Variants in KCNH7 observed in about 807,000 individuals in gnomAD.
KCNH7 encodes potassium voltage-gated channel subfamily H member 7, also known as voltage-gated inwardly rectifying potassium channel KCNH7.
KCNH7 carries 49 observed loss-of-function variants against 120.8 expected under a neutral mutation model. That is an observed-to-expected ratio of 0.41 (90% CI 0.32 to 0.51). KCNH7 has a LOEUF of 0.51. Among genes scored for constraint, KCNH7 ranks in the 20% least tolerant of loss-of-function variants. The pLI is 0.38. For synonymous variants in KCNH7, 547 were observed against 516.1 expected, an observed-to-expected ratio of 1.06 and a Z score of -0.81; for missense variants, 1,097 against 1,446.6, an observed-to-expected ratio of 0.76 and a Z score of 3.92.
intron 2 of KCNH7, among the ~76,000 whole-genome samples, chr2:162,669,732 T>C (rs1685272396): frequency 6.6e-6 from 1 of 152,162 alleles, no homozygotes; most frequent in Admixed American, 6.5e-5. Flanking sequence ...CTGTATTGCA[T>C]AGGACAGCCC....
intron 2 of KCNH7, among the ~76,000 whole-genome samples, chr2:162,680,187 G>A (rs965940315): frequency 1.3e-5 from 2 of 151,654 alleles, no homozygotes; most frequent in African/African-American, 2.4e-5. Context: ...GAGTGGAAGG[G>A]TGGGTATGAT....
intron 8 of KCNH7, among the ~76,000 whole-genome samples, chr2:162,431,284 A>G (rs1456003105): frequency 6.6e-6 from 1 of 152,050 alleles, no homozygotes; most frequent in Non-Finnish European, 1.5e-5. Flanking sequence ...TGATAACCAC[A>G]ATAGTTGTAA....
At chr2:162,508,080 C>G (rs932369860) in intron 5 of KCNH7, among the ~76,000 whole-genome samples, 8 of 151,452 alleles carry the variant, frequency 5.3e-5, no homozygotes, top group Admixed American at 5.3e-4. Context: ...CTGTATATTA[C>G]AGTTAGGGAA....
chr2:162,784,602 G>A (rs1281037426), intron 2 of KCNH7: 1 of 152,046 alleles, frequency 6.6e-6, no homozygotes, highest in Non-Finnish European at 1.5e-5. Context: ...TCAAGTAGTG[G>A]AAAGACCTTA....
chr2:162,664,809 G>T (rs1195067296), intron 2 of KCNH7, among the ~76,000 whole-genome samples: 2 of 152,064 alleles, frequency 1.3e-5, no homozygotes, highest in African/African-American at 4.8e-5. Context: ...GTATTTACCA[G>T]TCAAAGTGTT....
intron 2 of KCNH7, among the ~76,000 whole-genome samples, chr2:162,568,623 A>C (rs1297629496): frequency 1.3e-5 from 2 of 151,948 alleles, no homozygotes; most frequent in African/African-American, 4.8e-5. Context: ...GAATTGCATG[A>C]CCAGCAGCCA....
chr2:162,752,969 A>AAAAGAAAAGAAAAG (rs1688639528), intron 2 of KCNH7, among the ~76,000 whole-genome samples: 1 of 118,016 alleles, frequency 8.5e-6, no homozygotes, highest in African/African-American at 4.7e-5. Flanking sequence ...AAAAGAAAAG[A>AAAAGAAAAGAAAAG]AAAGAAAAGA....
At chr2:162,492,352 G>A (rs934640043) in intron 6 of KCNH7, among the ~76,000 whole-genome samples, 1 of 152,174 alleles carries the variant, frequency 6.6e-6, no homozygotes, top group African/African-American at 2.4e-5. Context: ...TTTGCTGCAA[G>A]TCTCCATCTT....
At chr2:162,429,450 T>A (rs1335985537) in intron 8 of KCNH7, among the ~76,000 whole-genome samples, 1 of 147,786 alleles carries the variant, frequency 6.8e-6, no homozygotes, top group African/African-American at 2.5e-5. Context: ...TTTGTGTTGA[T>A]CCAAATTTTC....
chr2:162,689,685 A>G (rs1686033033), intron 2 of KCNH7, among the ~76,000 whole-genome samples: 1 of 152,116 alleles, frequency 6.6e-6, no homozygotes, highest in South Asian at 2.1e-4. Context: ...ATCAAATTAA[A>G]CATTCTTCAA....
At chr2:162,471,130 C>A (rs1372295544) in intron 6 of KCNH7, among the ~76,000 whole-genome samples, 1 of 152,040 alleles carries the variant, frequency 6.6e-6, no homozygotes, top group African/African-American at 2.4e-5. Context: ...GGGTCCTCTG[C>A]CTAGGAAAAC....
chr2:162,797,577 T>C (rs1684189422), intron 2 of KCNH7: 1 of 152,092 alleles, frequency 6.6e-6, no homozygotes, highest in African/African-American at 2.4e-5. Context: ...AATATAACTA[T>C]AGTAAATACA....
At chr2:162,749,145 C>T (rs1183146100) in intron 2 of KCNH7, among the ~76,000 whole-genome samples, 2 of 151,284 alleles carry the variant, frequency 1.3e-5, no homozygotes, top group African/African-American at 4.9e-5. Flanking sequence ...TTTGCCTCCC[C>T]TCCCCTCCCC....
chr2:162,660,041 G>A (rs1272479250), intron 2 of KCNH7, among the ~76,000 whole-genome samples: 3 of 151,966 alleles, frequency 2.0e-5, no homozygotes, highest in Non-Finnish European at 2.9e-5. Context: ...TGCCTAGAGG[G>A]TTATCAATTG....
chr2:162,791,908 A>C (rs901924605), intron 2 of KCNH7, among the ~76,000 whole-genome samples: 2 of 151,984 alleles, frequency 1.3e-5, no homozygotes, highest in Non-Finnish European at 2.9e-5. Context: ...TATGATGCTG[A>C]ATGTGGGTTT....
chr2:162,651,098 AT>A, intron 2 of KCNH7, among the ~76,000 whole-genome samples: 1 of 152,326 alleles, frequency 6.6e-6, no homozygotes, highest in East Asian at 1.9e-4. Flanking sequence ...TATACTGACC[AT>A]TTTTTATTGG....
At chr2:162,433,927 T>G (rs58384808) in intron 8 of KCNH7, among the ~76,000 whole-genome samples, 9,253 of 152,092 alleles carry the variant, frequency 0.061, 880 homozygotes, top group African/African-American at 0.2. Context: ...ACACATGTAC[T>G]TATATGTTCA....
chr2:162,512,749 A>G (rs1691123015), intron 4 of KCNH7, 75 bp from the exon 5 acceptor site: 4 of 1,106,202 alleles, frequency 3.6e-6, no homozygotes, highest in Non-Finnish European at 5.3e-6. Context: ...ACACTGAATT[A>G]CCTGTATAAA....
intron 2 of KCNH7, among the ~76,000 whole-genome samples, chr2:162,753,977 T>C (rs1688701766): frequency 6.6e-6 from 1 of 151,942 alleles, no homozygotes; most frequent in African/African-American, 2.4e-5. Flanking sequence ...AATATTTTAA[T>C]ATTTACAATA....
Sources: allele counts gnomAD v4.1 joint callset (sites outside exome capture counted in the v4.1 genomes callset), GRCh38; gene constraint gnomAD v4.1.1; transcripts MANE v1.5; gene names NCBI Gene and HGNC (gene_info 2026-07-23, HGNC 2026-07-21).